DOCK3: variants seen among roughly 807,000 people sequenced by gnomAD.
DOCK3 encodes dedicator of cytokinesis 3, also known as dedicator of cytokinesis protein 3.
DOCK3 carries 60 observed loss-of-function variants against 265.6 expected under a neutral mutation model. The observed-to-expected ratio is 0.23, with a 90% CI of 0.18 to 0.28. DOCK3 has a LOEUF of 0.28. Among genes scored for constraint, DOCK3 ranks in the 10% least tolerant of loss-of-function variants. DOCK3 has a pLI of 1.00. For missense variants in DOCK3, 1,981 were observed against 2,594.3 expected (o/e 0.76, Z 5.14); for synonymous variants, 881 against 938.0 (o/e 0.94, Z 1.11).
intron 27 of DOCK3, among the ~76,000 whole-genome samples, chr3:51,297,505 A>T (rs1270775920): frequency 6.6e-6 from 1 of 152,232 alleles, no homozygotes; most frequent in East Asian, 1.9e-4. Flanking sequence ...AACTCAATTT[A>T]AAAATGGGCA....
intron 10 of DOCK3, among the ~76,000 whole-genome samples, chr3:51,146,841 A>G (rs972677672): frequency 6.6e-6 from 1 of 152,198 alleles, no homozygotes; most frequent in African/African-American, 2.4e-5. Flanking sequence ...TATTAATGAA[A>G]TATAATCAAG....
intron 3 of DOCK3, among the ~76,000 whole-genome samples, chr3:50,861,782 G>C (rs183807684): frequency 5.5e-5 from 7 of 128,388 alleles, no homozygotes; most frequent in African/African-American, 8.7e-5. Context: ...CTTTGCATTT[G>C]TGTGATCTTT....
chr3:51,261,797 G>T (rs923931524), intron 23 of DOCK3, among the ~76,000 whole-genome samples: 6 of 152,162 alleles, frequency 3.9e-5, no homozygotes, highest in African/African-American at 1.4e-4. Flanking sequence ...AAAGCTGACA[G>T]GAACTTTGGA....
chr3:51,306,234 CTT>C (rs1419522577), intron 27 of DOCK3, among the ~76,000 whole-genome samples: 2 of 152,036 alleles, frequency 1.3e-5, no homozygotes, highest in African/African-American at 2.4e-5. Context: ...TCATTTCAGA[CTT>C]TGAATATTTC....
At chr3:51,332,974 A>T (rs2084627659) in intron 33 of DOCK3, 27 bp from the exon 34 acceptor site, 2 of 1,613,814 alleles carry the variant, frequency 1.2e-6, no homozygotes, top group African/African-American at 1.3e-5. Flanking sequence ...TAACCTCCTT[A>T]TCTTTGCTTT....
At chr3:50,946,886 A>G (rs1357578026) in intron 5 of DOCK3, among the ~76,000 whole-genome samples, 2 of 152,174 alleles carry the variant, frequency 1.3e-5, no homozygotes, top group East Asian at 1.9e-4. Flanking sequence ...TATTCCAGGG[A>G]TGTCAGGATG....
intron 1 of DOCK3, among the ~76,000 whole-genome samples, chr3:50,724,958 A>G (rs1343720401): frequency 6.6e-6 from 1 of 150,828 alleles, no homozygotes; most frequent in Non-Finnish European, 1.5e-5. Context: ...GTGCCACTGC[A>G]CTCCAACCTG....
rs566203470 is a variant in DOCK3, at chr3:50,888,138, A to G, written c.163-1888A>G. Among the ~76,000 whole-genome samples, 13 of 152,262 alleles carry G rather than the reference A, an allele frequency of 8.5e-5. No homozygotes were observed. The South Asian group carries it at 1.0e-3, about 12-fold the overall frequency. Reference sequence around the variant, plus strand: ...ATTGTGTCAGCCCAAAATCTCCTTAAGCTGATAAGCAACTTCAGCAAAGTC... The same window carrying G: ...ATTGTGTCAGCCCAAAATCTCCTTAGGCTGATAAGCAACTTCAGCAAAGTC... On this transcript the variant is annotated intron_variant, in intron 3 of 52. Transcript: ENST00000266037.
chr3:51,380,202 C>T lies in DOCK3; in HGVS notation c.5578C>T (p.Arg1860Cys), dbSNP rs782338649. Reference protein sequence around the residue: ...TPPALPARTLRKSPLHPIPAS... With the variant: ...TPPALPARTLCKSPLHPIPAS... Reference sequence around the variant, plus strand: ...CCCAGCCCTCCCTGCCCGGACCCTGCGCAAGGTAATGTACTGAAGCGGCAG... The same window carrying T: ...CCCAGCCCTCCCTGCCCGGACCCTGTGCAAGGTAATGTACTGAAGCGGCAG... The change falls in exon 52 of 53, where the codon CGC (arginine) becomes TGC (cysteine). Residue 1860 changes from arginine (R) to cysteine (C), a missense_variant. By Grantham distance (180) the Arg-to-Cys change is radical. This residue lies in a region of DOCK3 where 1,357 missense variants were observed against 1,866.8 expected (regional missense o/e 0.73). Transcript: ENST00000266037. 1.7e-5 allele frequency: 27 copies of T among 1,609,126 alleles called. No individual in the cohort carries two copies. The highest frequency in any genetic ancestry group is 2.7e-5 in the African/African-American group (2 of 74,942).
At chr3:51,225,833 A>G in intron 15 of DOCK3, 60 bp downstream of exon 15, 1 of 1,549,396 alleles carries the variant, frequency 6.5e-7, no homozygotes, top group Non-Finnish European at 8.7e-7. Context: ...TTCTCTGTGG[A>G]CTTTATCCAG....
intron 2 of DOCK3, among the ~76,000 whole-genome samples, chr3:50,805,141 C>G (rs574624452): frequency 6.6e-6 from 1 of 152,054 alleles, no homozygotes; most frequent in Non-Finnish European, 1.5e-5. Flanking sequence ...GTCGCCTCTT[C>G]CAATTTTATG....
chr3:51,353,823 G>C (rs964774728), intron 40 of DOCK3, among the ~76,000 whole-genome samples: 4 of 151,944 alleles, frequency 2.6e-5, no homozygotes, highest in African/African-American at 9.7e-5. Flanking sequence ...ATGCCAAGAG[G>C]GGCTGGCAGT....
At chr3:51,332,963 G>A (rs1260392657) in intron 33 of DOCK3, 38 bp from the exon 34 acceptor site, 1 of 1,613,720 alleles carries the variant, frequency 6.2e-7, no homozygotes. Flanking sequence ...TGCCAGTTCA[G>A]TAACCTCCTT....
At chr3:50,699,319 T>G (rs929676428) in intron 1 of DOCK3, among the ~76,000 whole-genome samples, 1 of 152,204 alleles carries the variant, frequency 6.6e-6, no homozygotes, top group African/African-American at 2.4e-5. Flanking sequence ...TACTGTAGCT[T>G]TGTCATAAGA....
At chr3:50,857,675 A>C (rs1196101803) in intron 3 of DOCK3, among the ~76,000 whole-genome samples, 1 of 152,368 alleles carries the variant, frequency 6.6e-6, no homozygotes, top group African/African-American at 2.4e-5. Flanking sequence ...ACACATGAAA[A>C]AATGTTCATC....
intron 2 of DOCK3, among the ~76,000 whole-genome samples, chr3:50,818,185 C>A (rs2044199745): frequency 6.6e-6 from 1 of 152,216 alleles, no homozygotes; most frequent in Admixed American, 6.5e-5. Flanking sequence ...ACTTGCTGGG[C>A]AGAATAGAGG....
At position 51,329,443 on chromosome 3, in the gene DOCK3, A is replaced by T. The variant is rs531592984; in HGVS notation, c.3403-695A>T. 7.5e-4 allele frequency among the ~76,000 whole-genome samples: 114 copies of T among 151,872 alleles called. 1 individual carries two copies. The highest frequency in any genetic ancestry group is 3.4e-3 in the Middle Eastern group (1 of 294). ...CTGAACTTAAAATTAAATTAAATTT[A>T]AAAAAAAAGTGACTGAGTACTGCTG... On this transcript the variant is annotated intron_variant, in intron 32 of 52. Transcript: ENST00000266037.
In DOCK3 at chr3:51,277,570, T is replaced by C. The variant is rs377387693; in HGVS notation, c.2677-38T>C. 8 of 1,496,870 alleles carry C rather than the reference T, an allele frequency of 5.3e-6. No individual in the cohort carries two copies. The African/African-American group carries it at 1.1e-4, about 21-fold the overall frequency. The allele number at this position is 1,496,870 out of a possible 1,614,324, so 92.7% of individuals were successfully genotyped here. A position where few individuals can be genotyped will look rare whatever the true frequency, so the allele number is the denominator to read the frequency against. ...GCTGCCAGCTGTACTTCAGCCTGGC[T>C]TGCTGCTAATGGTGTGCTCTCTTGC... On this transcript the variant is annotated intron_variant, in intron 25 of 52. Coordinates refer to ENST00000266037, the MANE Select transcript of DOCK3 (RefSeq NM_004947.5).
intron 49 of DOCK3, among the ~76,000 whole-genome samples, chr3:51,369,564 G>A (rs1204366716): frequency 6.6e-6 from 1 of 152,180 alleles, no homozygotes. Flanking sequence ...ACGTCTGATT[G>A]GTGTAATAGC....
Sources: allele counts gnomAD v4.1 joint callset (sites outside exome capture counted in the v4.1 genomes callset), GRCh38; gene constraint gnomAD v4.1.1; regional missense constraint gnomAD v4.1.1; transcripts MANE v1.5; gene names NCBI Gene and HGNC (gene_info 2026-07-23, HGNC 2026-07-21).